CUL5: variants seen among roughly 807,000 people sequenced by gnomAD.
The protein encoded by CUL5 is cullin 5, also known as cullin-5.
Under a neutral mutation model 108.8 loss-of-function variants are expected in CUL5, and 26 were observed. The ratio of observed to expected loss-of-function variants is 0.24; its 90% CI spans 0.18 to 0.33. The LOEUF is 0.33. Among genes scored for constraint, CUL5 ranks in the 10% least tolerant of loss-of-function variants. The pLI, the probability that CUL5 is intolerant of heterozygous loss-of-function variation, is 1.00. For missense variants in CUL5, 524 were observed against 909.2 expected (o/e 0.58, Z 5.45); for synonymous variants, 334 against 298.0 (o/e 1.12, Z -1.25).
At chr11:108,054,547 A>G (rs998017746) in intron 5 of CUL5, 100 bp from the exon 6 acceptor site, 5 of 769,548 alleles carry the variant, frequency 6.5e-6, no homozygotes, top group Non-Finnish European at 1.0e-5. Flanking sequence ...GAGCATTGTT[A>G]CCTTGCACAT....
chr11:108,066,221 G>A (rs1433003996), intron 7 of CUL5, among the ~76,000 whole-genome samples: 1 of 152,074 alleles, frequency 6.6e-6, no homozygotes, highest in Non-Finnish European at 1.5e-5. Context: ...GTGGATGCCT[G>A]CTGTCCCAGT....
chr11:108,082,882 C>A (rs983182617), intron 11 of CUL5, among the ~76,000 whole-genome samples: 14 of 152,096 alleles, frequency 9.2e-5, no homozygotes, highest in African/African-American at 3.4e-4. Context: ...CTGCCTCTGC[C>A]TCTCAAAGTG....
rs375495536 is a variant in CUL5, at chr11:108,009,310, A to T, written c.-39A>T. The stretch of plus-strand genomic sequence containing the variant: ...TCAAGGCCTGGCCGGGAGCGCCACG[A>T]ATTCTCGCGTCGTCTCGCGAGAGTC... On this transcript the variant is annotated 5_prime_UTR_variant, in exon 1 of 19. Coordinates refer to ENST00000393094, the MANE Select transcript of CUL5 (RefSeq NM_003478.6). 6.2e-6 allele frequency: 10 copies of T among 1,608,518 alleles called. No individual in the cohort carries two copies. Among genetic ancestry groups the T allele is most frequent in the Non-Finnish European group, 8.5e-6 (10 of 1,177,384 alleles).
chr11:108,056,239 G>A (rs999496458), intron 7 of CUL5, among the ~76,000 whole-genome samples: 3 of 152,252 alleles, frequency 2.0e-5, no homozygotes, highest in Admixed American at 2.0e-4. Flanking sequence ...ATTTCCTCTG[G>A]TTCCTTTCAG....
chr11:108,052,591 G>A (rs147206073), intron 4 of CUL5, 69 bp from the exon 5 acceptor site: 224 of 1,395,152 alleles, frequency 1.6e-4, no homozygotes, highest in East Asian at 1.4e-4. Context: ...TCCTTTTTTG[G>A]TGTTTGTACA....
At chr11:108,018,808 G>A (rs1281670871) in intron 1 of CUL5, among the ~76,000 whole-genome samples, 1 of 152,162 alleles carries the variant, frequency 6.6e-6, no homozygotes, top group Non-Finnish European at 1.5e-5. Flanking sequence ...TGCAAGTAGT[G>A]TACTTGCAAT....
At chr11:108,072,711 C>T (rs1863855622) in intron 9 of CUL5, among the ~76,000 whole-genome samples, 1 of 151,728 alleles carries the variant, frequency 6.6e-6, no homozygotes, top group Non-Finnish European at 1.5e-5. Context: ...ATGTTGTTAC[C>T]ACAAAGAAAT....
At chr11:108,034,400 A>G (rs1862673674) in intron 2 of CUL5, among the ~76,000 whole-genome samples, 1 of 152,202 alleles carries the variant, frequency 6.6e-6, no homozygotes, top group Non-Finnish European at 1.5e-5. Context: ...TATTGTTTAT[A>G]TAAACAGTTT....
chr11:108,079,121 C>T (rs979795882), intron 11 of CUL5, among the ~76,000 whole-genome samples: 5 of 151,798 alleles, frequency 3.3e-5, no homozygotes, highest in Admixed American at 6.6e-5. Context: ...TTTATTTATT[C>T]GAGACAGGGT....
chr11:108,100,797 G>A (rs1455631143), intron 18 of CUL5, among the ~76,000 whole-genome samples: 2 of 152,164 alleles, frequency 1.3e-5, no homozygotes, highest in East Asian at 1.9e-4. Flanking sequence ...TTGGGAGGCC[G>A]AGGCGGGTGG....
intron 1 of CUL5, among the ~76,000 whole-genome samples, chr11:108,019,750 C>T (rs1862284414): frequency 6.6e-6 from 1 of 152,078 alleles, no homozygotes; most frequent in Non-Finnish European, 1.5e-5. Flanking sequence ...TAATAAGTGA[C>T]TGTGTTACTG....
intron 4 of CUL5, among the ~76,000 whole-genome samples, chr11:108,051,708 G>T (rs940288320): frequency 6.6e-5 from 10 of 152,268 alleles, no homozygotes; most frequent in Admixed American, 3.3e-4. Context: ...TCCAGTATCA[G>T]ATTTTCAGTT....
chr11:108,009,817 C>T (rs1862018990), intron 1 of CUL5, among the ~76,000 whole-genome samples: 1 of 152,182 alleles, frequency 6.6e-6, no homozygotes, highest in Non-Finnish European at 1.5e-5. Flanking sequence ...TTTCTGTTCT[C>T]GTTCTGTCTG....
intron 7 of CUL5, among the ~76,000 whole-genome samples, chr11:108,061,007 GCA>G (rs898222985): frequency 6.6e-6 from 1 of 152,118 alleles, no homozygotes; most frequent in Admixed American, 6.6e-5. Context: ...AAAACATCAA[GCA>G]CATTGATAGT....
intron 17 of CUL5, 38 bp from the exon 18 acceptor site, chr11:108,098,368 T>A: frequency 6.4e-7 from 1 of 1,565,322 alleles, no homozygotes; most frequent in Non-Finnish European, 8.7e-7. Context: ...TTTAAAGTGT[T>A]TTTCACCATA....
chr11:108,030,286 A>C (rs1191410615), intron 1 of CUL5, among the ~76,000 whole-genome samples: 1 of 152,228 alleles, frequency 6.6e-6, no homozygotes, highest in Non-Finnish European at 1.5e-5. Flanking sequence ...TTCAGGAGAG[A>C]AGCGTAGCTA....
chr11:108,050,527 C>T (rs1051703443), intron 4 of CUL5, among the ~76,000 whole-genome samples: 1 of 151,972 alleles, frequency 6.6e-6, no homozygotes, highest in African/African-American at 2.4e-5. Context: ...CTACCACACC[C>T]GGCTATTTTA....
In CUL5 at chr11:108,069,945, C is replaced by A. The variant is rs542098218; in HGVS notation, c.781-151C>A. On this transcript the variant is annotated intron_variant, in intron 7 of 18. Transcript: ENST00000393094. ...ACTTTGGTAAACTAGTATAGCATAT[C>A]CATCTTCAATAATCCTATAGTTAAG... 2.4e-5 allele frequency: 11 copies of A among 466,180 alleles called. No homozygotes were observed. In the South Asian group the frequency reaches 5.8e-4, roughly 25 times the overall value. The allele number at this position is 466,180 out of a possible 1,614,324, so 28.9% of individuals were successfully genotyped here.
intron 1 of CUL5, among the ~76,000 whole-genome samples, chr11:108,012,027 G>T (rs764865325): frequency 6.6e-6 from 1 of 152,212 alleles, no homozygotes; most frequent in African/African-American, 2.4e-5. Context: ...GCTATGTAAA[G>T]ATTTGTGTAG....
Sources: allele counts gnomAD v4.1 joint callset (sites outside exome capture counted in the v4.1 genomes callset), GRCh38; gene constraint gnomAD v4.1.1; transcripts MANE v1.5; gene names NCBI Gene and HGNC (gene_info 2026-07-23, HGNC 2026-07-21).